CXADR: variants seen among roughly 807,000 people sequenced by gnomAD.
The protein encoded by CXADR is coxsackievirus and adenovirus receptor.
In CXADR, 20 loss-of-function variants were observed where a neutral mutation model predicts 40.3. The ratio of observed to expected loss-of-function variants is 0.50; its 90% confidence interval spans 0.35 to 0.72. CXADR has a LOEUF of 0.72. Ranked by LOEUF, CXADR falls within the 30% of genes least tolerant of loss-of-function variation. The probability of loss-of-function intolerance (pLI) is 0.01; values close to 1 mark genes in which losing one functional copy is unlikely to be tolerated. For synonymous variants in CXADR, 150 were observed against 161.3 expected, an observed-to-expected ratio of 0.93 and a Z score of 0.53; for missense variants, 332 against 449.1, an observed-to-expected ratio of 0.74 and a Z score of 2.36.
At chr21:17,531,298 CA>C (rs112689570) in intron 1 of CXADR, among the ~76,000 whole-genome samples, 26,376 of 127,964 alleles carry the variant, frequency 0.21, 3,041 homozygotes, top group African/African-American at 0.36. Flanking sequence ...GACTCTGTCT[CA>C]AAAAAAAAAA....
intron 7 of CXADR, among the ~76,000 whole-genome samples, chr21:17,577,612 C>CTTTTTTTTTTTTTTTTTTTTTTTTTTTTT (rs532541050): frequency 8.2e-5 from 3 of 36,576 alleles, no homozygotes; most frequent in Non-Finnish European, 1.6e-4. Flanking sequence ...ATTCTGCAAG[C>CTTTTTTTTTTTTTTTTTTTTTTTTTTTTT]TTTTTTTTTT....
the CXADR span, chr21:17,613,254 C>G: frequency 6.6e-6 from 1 of 152,298 alleles, no homozygotes; most frequent in Non-Finnish European, 1.5e-5. Context: ...GTCCTTTCGG[C>G]TGTCTCGGCC....
chr21:17,518,258 C>G (rs761980274), intron 1 of CXADR, among the ~76,000 whole-genome samples: 1 of 151,808 alleles, frequency 6.6e-6, no homozygotes, highest in Non-Finnish European at 1.5e-5. Context: ...ACCAAAAATA[C>G]CCCAAACCAA....
chr21:17,548,139 T>A (rs1353298634), intron 2 of CXADR, among the ~76,000 whole-genome samples: 1 of 152,186 alleles, frequency 6.6e-6, no homozygotes, highest in Non-Finnish European at 1.5e-5. Context: ...GTAATATATA[T>A]ATTTGGAAGA....
chr21:17,548,285 C>T (rs916293998), intron 2 of CXADR, among the ~76,000 whole-genome samples: 5 of 152,078 alleles, frequency 3.3e-5, no homozygotes, highest in Non-Finnish European at 7.3e-5. Flanking sequence ...TCGGTTTGCC[C>T]TTGATGTTTA....
chr21:17,615,602 T>C, the CXADR span, among the ~76,000 whole-genome samples: 4 of 152,222 alleles, frequency 2.6e-5, no homozygotes, highest in Admixed American at 2.6e-4. Context: ...TATTGTACTG[T>C]ACCACTGGTA....
At chr21:17,581,100 C>T (rs553148667) in intron 7 of CXADR, among the ~76,000 whole-genome samples, 1 of 152,232 alleles carries the variant, frequency 6.6e-6, no homozygotes, top group Non-Finnish European at 1.5e-5. Context: ...TCTGTATTTC[C>T]CTTTGTATCT....
chr21:17,576,507 A>G (rs1434882406), intron 7 of CXADR, among the ~76,000 whole-genome samples: 5 of 152,160 alleles, frequency 3.3e-5, no homozygotes, highest in African/African-American at 7.2e-5. Context: ...CATCGTTATT[A>G]TTCTTGTATT....
At chr21:17,617,916 G>A in the CXADR span, among the ~76,000 whole-genome samples, 18 of 152,182 alleles carry the variant, frequency 1.2e-4, no homozygotes, top group African/African-American at 3.4e-4. Context: ...TTTACTCACC[G>A]TAGAACTTCT....
Position 17,565,440 on chromosome 21 carries a change from A to T in CXADR, c.846A>T (p.Pro282=), listed in dbSNP as rs437470. The T allele has an allele frequency of 6.2e-7, 1 of 1,613,412 alleles. No homozygotes were observed. The highest frequency in any genetic ancestry group is 8.5e-7 in the Non-Finnish European group (1 of 1,179,614). ...TTTTGCTTTGCAGGGAAGATGTGCC[A>T]CCTCCAAAGAGCCGTACGTCCACTG... ...EVHHDIREDV[P]PPKSRTSTAR... The change falls in exon 7 of 7, where the codon CCA becomes CCT. Residue 282 remains proline (P), a synonymous_variant. Transcript: ENST00000284878.
the CXADR span, among the ~76,000 whole-genome samples, chr21:17,630,984 A>C: frequency 6.6e-6 from 1 of 152,202 alleles, no homozygotes; most frequent in Non-Finnish European, 1.5e-5. Context: ...GATGACGCAG[A>C]GAGAGATAAG....
chr21:17,569,820 A>G lies in CXADR; in HGVS notation c.*4128A>G, dbSNP rs1288540166. 2.5e-5 allele frequency: 25 copies of G among 985,318 alleles called. No individual in the cohort carries two copies. The highest frequency in any genetic ancestry group is 4.7e-5 in the South Asian group (1 of 21,284). The allele number at this position is 985,318 out of a possible 1,614,324, so 61.0% of individuals were successfully genotyped here. ...TTCTGCTAACTTATTTAATGACACA[A>G]GTTTTAAGAGAACCACAATTCATTG... On this transcript the variant is annotated 3_prime_UTR_variant, in exon 7 of 7. Transcript: ENST00000284878.
intron 3 of CXADR, among the ~76,000 whole-genome samples, chr21:17,557,973 A>G (rs540454531): frequency 1.3e-5 from 2 of 152,328 alleles, no homozygotes; most frequent in Non-Finnish European, 2.9e-5. Flanking sequence ...GCAGAAGAGT[A>G]TGCAATGCCA....
At chr21:17,603,920 TTCTTC>T in the CXADR span, among the ~76,000 whole-genome samples, 1 of 152,224 alleles carries the variant, frequency 6.6e-6, no homozygotes, top group Non-Finnish European at 1.5e-5. Flanking sequence ...TTGCTTACTT[TTCTTC>T]TCAATTTCAA....
At chr21:17,607,714 G>C in the CXADR span, among the ~76,000 whole-genome samples, 1 of 152,124 alleles carries the variant, frequency 6.6e-6, no homozygotes, top group Non-Finnish European at 1.5e-5. Context: ...GGAAACTTTG[G>C]GGACATCAAT....
chr21:17,594,294 G>C, downstream of CXADR: 1 of 1,613,030 alleles, frequency 6.2e-7, no homozygotes, highest in Non-Finnish European at 8.5e-7. Flanking sequence ...TGGGCAAAGG[G>C]TGCCACATTG....
At chr21:17,529,034 CTTTT>C (rs10530177) in intron 1 of CXADR, among the ~76,000 whole-genome samples, 2 of 121,386 alleles carry the variant, frequency 1.6e-5, no homozygotes, top group Non-Finnish European at 3.5e-5. Flanking sequence ...GACTTTTTGT[CTTTT>C]TTTTTTTTTT....
In CXADR at chr21:17,513,045, T is replaced by C. The variant is rs2060409841; in HGVS notation, c.-85T>C. On this transcript the variant is annotated 5_prime_UTR_variant, in exon 1 of 7. Coordinates refer to ENST00000284878, the MANE Select transcript of CXADR (RefSeq NM_001338.5). ...AGGTGCCGCCGCCGCCGCGAGCCAGTCGGGAGCGCGCGAGGCGCGGGGAGC... is the reference window on the plus strand; with the variant it reads ...AGGTGCCGCCGCCGCCGCGAGCCAGCCGGGAGCGCGCGAGGCGCGGGGAGC... 5 of 1,254,756 alleles carry C rather than the reference T, an allele frequency of 4.0e-6. No homozygotes were observed. The highest frequency in any genetic ancestry group is 5.1e-6 in the Non-Finnish European group (5 of 976,506). The allele number at this position is 1,254,756 out of a possible 1,614,324, so 77.7% of individuals were successfully genotyped here. A position where few individuals can be genotyped will look rare whatever the true frequency, so the allele number is the denominator to read the frequency against.
chr21:17,592,384 T>C (rs1298661443), intron 7 of CXADR, among the ~76,000 whole-genome samples: 4 of 126,948 alleles, frequency 3.2e-5, no homozygotes, highest in African/African-American at 1.4e-4. Flanking sequence ...AATGTAGTTA[T>C]ATTTTAAAAT....
Sources: allele counts gnomAD v4.1 joint callset (sites outside exome capture counted in the v4.1 genomes callset), GRCh38; gene constraint gnomAD v4.1.1; transcripts MANE v1.5; gene names NCBI Gene and HGNC (gene_info 2026-07-23, HGNC 2026-07-21).